Variants in SLC35A5 observed in about 807,000 individuals in gnomAD.
SLC35A5 encodes the protein solute carrier family 35 member A5, also known as UDP-sugar transporter protein SLC35A5.
SLC35A5 carries 28 observed loss-of-function variants against 36.3 expected under a neutral mutation model. The ratio of observed to expected loss-of-function variants is 0.77; its 90% CI spans 0.57 to 1.06. The LOEUF (loss-of-function observed/expected upper bound fraction) is 1.06, where lower values mean the gene tolerates loss of function less well. Among genes scored for constraint, SLC35A5 ranks in the 50% least tolerant of loss-of-function variants. The pLI is 0.00. For synonymous variants in SLC35A5, 180 were observed against 173.7 expected, an observed-to-expected ratio of 1.04 and a Z score of -0.29; for missense variants, 521 against 499.3, an observed-to-expected ratio of 1.04 and a Z score of -0.41.
At position 112,580,753 on chromosome 3, in the gene SLC35A5, T is replaced by C. The variant is rs1934872779; in HGVS notation, c.636T>C (p.Phe212=). Residue 212 remains phenylalanine, a synonymous_variant, in exon 6 of 7, where the codon TTT becomes TTC. Coordinates refer to ENST00000492406, the MANE Select transcript of SLC35A5 (RefSeq NM_017945.5). ...ATTGTACAGCAAAGGAATGGACTTT[T>C]CCTGAAGCTAAATGGAACACCACAG... ...KDNCTAKEWT[F]PEAKWNTTAR... 2 of 1,614,192 alleles carry C rather than the reference T, an allele frequency of 1.2e-6. No individual in the cohort carries two copies. The highest frequency in any genetic ancestry group is 2.2e-5 in the South Asian group (2 of 91,086).
In SLC35A5 at chr3:112,584,662, A is replaced by T. The variant is rs867214829; in HGVS notation, c.*1926A>T. On this transcript the variant is annotated 3_prime_UTR_variant, in exon 7 of 7. Transcript: ENST00000492406. ...CATGTGCTGGAACTAAAAATGTTCT[A>T]TTCAACCCAGCAATCCCTCTACTGG... 6.6e-6 allele frequency: 1 copy of T among 152,292 alleles called. No individual in the cohort carries two copies. Among genetic ancestry groups the T allele is most frequent in the South Asian group, 2.1e-4 (1 of 4,822 alleles). 9.4% of individuals were successfully genotyped at this position (152,292 alleles called of 1,614,324 possible). A position where few individuals can be genotyped will look rare whatever the true frequency, so the allele number is the denominator to read the frequency against.
At chr3:112,570,776 T>C in intron 4 of SLC35A5, 106 bp downstream of exon 4, 1 of 1,091,400 alleles carries the variant, frequency 9.2e-7, no homozygotes, top group Non-Finnish European at 1.3e-6. Flanking sequence ...TTTCTCATTG[T>C]CCTCACTGGC....
chr3:112,570,239 G>A (rs1934379247), intron 3 of SLC35A5, among the ~76,000 whole-genome samples: 1 of 144,978 alleles, frequency 6.9e-6, no homozygotes, highest in African/African-American at 2.6e-5. Context: ...ATTTTAACTT[G>A]TTGATCTCCC....
At chr3:112,561,570 A>C (rs752244557), upstream of SLC35A5, 6 of 1,590,828 alleles carry the variant, frequency 3.8e-6, no homozygotes, top group Non-Finnish European at 5.1e-6. Context: ...CGGGATGGAA[A>C]GTGCAGCCGT....
upstream of SLC35A5, chr3:112,561,651 C>CGAGGGGACGG (rs1553740145): frequency 5.6e-5 from 56 of 1,003,644 alleles, 1 homozygote; most frequent in Admixed American, 1.2e-3. Context: ...TGGCAGCACC[C>CGAGGGGACGG]GAGGGGACGG....
At chr3:112,575,773 T>A (rs967656790) in intron 5 of SLC35A5, among the ~76,000 whole-genome samples, 2 of 150,268 alleles carry the variant, frequency 1.3e-5, no homozygotes, top group Non-Finnish European at 3.0e-5. Context: ...TTTTTTTTTT[T>A]TTTTGAGACA....
At chr3:112,565,702 G>A (rs1224811749) in intron 2 of SLC35A5, among the ~76,000 whole-genome samples, 2 of 152,094 alleles carry the variant, frequency 1.3e-5, no homozygotes, top group African/African-American at 4.8e-5. Flanking sequence ...GAACCCGGGA[G>A]GCAGAGATTG....
At chr3:112,578,175 G>A (rs1934750738) in intron 5 of SLC35A5, among the ~76,000 whole-genome samples, 1 of 152,062 alleles carries the variant, frequency 6.6e-6, no homozygotes. Flanking sequence ...GTTACTGATT[G>A]AAGTTCCTTA....
intron 3 of SLC35A5, among the ~76,000 whole-genome samples, chr3:112,570,026 G>C (rs1001487115): frequency 6.6e-6 from 1 of 152,074 alleles, no homozygotes; most frequent in African/African-American, 2.4e-5. Context: ...AACTGCCTTT[G>C]TTTTCTTTTT....
Position 112,581,468 on chromosome 3 carries a change from C to G in SLC35A5, c.1209+142C>G, listed in dbSNP as rs551129985. 222 of 855,450 alleles carry G rather than the reference C, an allele frequency of 2.6e-4. 1 individual carries two copies. In the South Asian group the frequency reaches 4.0e-3, roughly 15 times the overall value. 53.0% of individuals were successfully genotyped at this position (855,450 alleles called of 1,614,324 possible). A position where few individuals can be genotyped will look rare whatever the true frequency, so the allele number is the denominator to read the frequency against. On this transcript the variant is annotated intron_variant, in intron 6 of 6. Coordinates refer to ENST00000492406, the MANE Select transcript of SLC35A5 (RefSeq NM_017945.5). ...TTTTAAAACCGAATCAACAAACATT[C>G]CTTTTACTCCTGATGTTTGCAAGGG... is the stretch of plus-strand genomic sequence containing the variant.
intron 5 of SLC35A5, among the ~76,000 whole-genome samples, chr3:112,580,021 C>T (rs1934832392): frequency 6.6e-6 from 1 of 152,194 alleles, no homozygotes; most frequent in Non-Finnish European, 1.5e-5. Flanking sequence ...GTTTAATGCT[C>T]TACGATTAGG....
At chr3:112,571,923 GTTTTTTTTTTTTTTTT>G (rs58561218) in intron 4 of SLC35A5, among the ~76,000 whole-genome samples, 3 of 53,824 alleles carry the variant, frequency 5.6e-5, no homozygotes, top group Non-Finnish European at 1.0e-4. Context: ...ACTTTCCACA[GTTTTTTTTTTTTTTTT>G]TTTTTTTTTT....
chr3:112,582,743 C>T lies in SLC35A5; in HGVS notation c.*7C>T, dbSNP rs764523907. ...AGATGAAGATACTTTCTAACTGGTA[C>T]CCACATAGTTTGCAGCTCTCTTGAA... On this transcript the variant is annotated 3_prime_UTR_variant, in exon 7 of 7. Coordinates refer to ENST00000492406, the MANE Select transcript of SLC35A5 (RefSeq NM_017945.5). 1.2e-6 allele frequency: 2 copies of T among 1,607,622 alleles called. No individual in the cohort carries two copies. The highest frequency in any genetic ancestry group is 1.7e-6 in the Non-Finnish European group (2 of 1,174,848).
At chr3:112,570,399 GT>G (rs747426799) in intron 3 of SLC35A5, 140 bp from the exon 4 acceptor site, 15 of 849,200 alleles carry the variant, frequency 1.8e-5, no homozygotes, top group Non-Finnish European at 2.6e-5. Flanking sequence ...AAACTGGTGG[GT>G]TGAAGAGAGA....
At chr3:112,561,648 A>C, upstream of SLC35A5, 1 of 1,013,046 alleles carries the variant, frequency 9.9e-7, no homozygotes, top group Non-Finnish European at 1.4e-6. Context: ...GGCTGGCAGC[A>C]CCCGAGGGGA....
intron 4 of SLC35A5, among the ~76,000 whole-genome samples, chr3:112,573,383 C>T (rs771634748): frequency 6.6e-5 from 10 of 152,194 alleles, no homozygotes; most frequent in African/African-American, 9.6e-5. Flanking sequence ...TGAATCAGTG[C>T]GCAGGGCTGT....
In SLC35A5 at chr3:112,565,550, G is replaced by A. The variant is rs539876955; in HGVS notation, c.130+2017G>A. On this transcript the variant is annotated intron_variant, in intron 2 of 6. Coordinates refer to ENST00000492406, the MANE Select transcript of SLC35A5 (RefSeq NM_017945.5). ...CCCAGCACTTTAGGAGGCCAAGGCC[G>A]GCGGATCACTTGAGGTCAGGAATTT... Among the ~76,000 whole-genome samples, 3 of 152,316 alleles carry A rather than the reference G, an allele frequency of 2.0e-5. No homozygotes were observed. The East Asian group carries it at 5.8e-4, about 29-fold the overall frequency.
At chr3:112,566,239 G>C (rs1325862241) in intron 2 of SLC35A5, among the ~76,000 whole-genome samples, 2 of 152,200 alleles carry the variant, frequency 1.3e-5, no homozygotes, top group East Asian at 1.9e-4. Context: ...AGGAGGAAGA[G>C]TAGGTTGGGC....
intron 5 of SLC35A5, among the ~76,000 whole-genome samples, chr3:112,576,206 C>T (rs1273976961): frequency 6.6e-6 from 1 of 151,982 alleles, no homozygotes; most frequent in East Asian, 1.9e-4. Context: ...CAGCTCACTG[C>T]AACCTCCGCC....
Sources: gnomAD v4.1 joint callset for allele counts (sites outside exome capture counted in the v4.1 genomes callset) on GRCh38, gnomAD v4.1.1 for gene constraint, MANE v1.5 for transcripts, NCBI Gene and HGNC (gene_info 2026-07-23, HGNC 2026-07-21) for gene names.